The following STXBP5L variants were observed in gnomAD, a reference collection of about 807,000 sequenced individuals.
STXBP5L encodes the protein syntaxin binding protein 5L.
A neutral mutation model predicts 144.5 loss-of-function variants in STXBP5L; 65 were observed. That is an observed-to-expected ratio of 0.45 (90% CI 0.37 to 0.55). STXBP5L has a LOEUF of 0.55. STXBP5L is among the 20% of genes least tolerant of loss of function. The pLI is 0.00. For missense variants in STXBP5L, 1,298 were observed against 1,405.5 expected (o/e 0.92, Z 1.22); for synonymous variants, 505 against 469.6 (o/e 1.08, Z -0.97).
intron 18 of STXBP5L, among the ~76,000 whole-genome samples, chr3:121,267,082 A>C (rs2050589294): frequency 6.6e-6 from 1 of 152,210 alleles, no homozygotes; most frequent in Admixed American, 6.5e-5. Flanking sequence ...TATGGAACCA[A>C]AAGAGAGCCC....
At chr3:121,211,635 G>A (rs551441016) in intron 10 of STXBP5L, among the ~76,000 whole-genome samples, 2 of 133,238 alleles carry the variant, frequency 1.5e-5, no homozygotes, top group Admixed American at 8.7e-5. Flanking sequence ...CTGGAGTGCA[G>A]TGGCGTGATC....
At chr3:121,355,343 C>G (rs1472844472) in intron 20 of STXBP5L, among the ~76,000 whole-genome samples, 1 of 152,208 alleles carries the variant, frequency 6.6e-6, no homozygotes, top group African/African-American at 2.4e-5. Context: ...TAGATTTAGT[C>G]TTTTCATATA....
intron 20 of STXBP5L, among the ~76,000 whole-genome samples, chr3:121,321,495 A>T (rs182657414): frequency 6.6e-6 from 1 of 152,304 alleles, no homozygotes; most frequent in Non-Finnish European, 1.5e-5. Flanking sequence ...CAATAGCCAC[A>T]CATACACCTA....
chr3:121,422,974 A>G lies in STXBP5L; in HGVS notation c.*3877A>G, dbSNP rs1393321865. On this transcript the variant is annotated 3_prime_UTR_variant, in exon 27 of 27. Coordinates refer to ENST00000471454, the MANE Select transcript of STXBP5L (RefSeq NM_001308330.2). ...GAAGAAGATTAAAATAGATTCTTAT[A>G]TTCAAGCAGAAGGGAAAAATGAAGC... 6.6e-6 allele frequency: 1 copy of G among 152,100 alleles called. No individual in the cohort carries two copies. Among genetic ancestry groups the G allele is most frequent in the Admixed American group, 6.6e-5 (1 of 15,260 alleles). The allele number at this position is 152,100 out of a possible 1,614,324, so 9.4% of individuals were successfully genotyped here.
chr3:121,164,643 T>G (rs9834448), intron 9 of STXBP5L, among the ~76,000 whole-genome samples: 15,102 of 152,196 alleles, frequency 0.099, 1,183 homozygotes, highest in Admixed American at 0.2. Flanking sequence ...AGCCTAAGTG[T>G]CTGTTGACTG....
chr3:121,068,014 CA>C (rs2041629401), intron 5 of STXBP5L, among the ~76,000 whole-genome samples: 1 of 152,098 alleles, frequency 6.6e-6, no homozygotes, highest in Non-Finnish European at 1.5e-5. Context: ...CAATATTAGT[CA>C]ATTTTTCTTT....
At chr3:121,115,202 G>T (rs1036716963) in intron 6 of STXBP5L, 143 bp downstream of exon 6, 5 of 777,640 alleles carry the variant, frequency 6.4e-6, no homozygotes, top group African/African-American at 5.6e-5. Context: ...ATAACTTAAA[G>T]CCATAAAAGC....
intron 9 of STXBP5L, among the ~76,000 whole-genome samples, chr3:121,176,773 A>G (rs7643780): frequency 0.21 from 32,338 of 151,798 alleles, 3,673 homozygotes; most frequent in Non-Finnish European, 0.26. Context: ...GCATGAGAAC[A>G]ACCAATAAAA....
intron 3 of STXBP5L, among the ~76,000 whole-genome samples, chr3:121,031,950 G>A (rs1946400150): frequency 6.6e-6 from 1 of 152,106 alleles, no homozygotes. Flanking sequence ...TACAGAAAAA[G>A]CAAAGCAGGA....
chr3:121,389,581 T>A (rs948260154), intron 22 of STXBP5L, among the ~76,000 whole-genome samples: 1 of 152,244 alleles, frequency 6.6e-6, no homozygotes, highest in African/African-American at 2.4e-5. Flanking sequence ...CCTGGTACAT[T>A]GTGTCTTTGT....
At chr3:121,094,371 G>A (rs1451858707) in intron 5 of STXBP5L, among the ~76,000 whole-genome samples, 3 of 152,020 alleles carry the variant, frequency 2.0e-5, no homozygotes, top group Non-Finnish European at 2.9e-5. Flanking sequence ...TGACAGTGGG[G>A]TGTTAAAGTC....
intron 20 of STXBP5L, among the ~76,000 whole-genome samples, chr3:121,347,041 G>T (rs1321654713): frequency 6.6e-6 from 1 of 152,178 alleles, no homozygotes. Context: ...CCTATGTCCT[G>T]AATGGTATTG....
chr3:121,195,814 C>T (rs1428654905), intron 9 of STXBP5L, among the ~76,000 whole-genome samples: 1 of 152,140 alleles, frequency 6.6e-6, no homozygotes. Flanking sequence ...AATGGTGGAA[C>T]CTGCAGGGAA....
intron 5 of STXBP5L, among the ~76,000 whole-genome samples, chr3:121,069,613 G>C (rs1024159391): frequency 6.6e-6 from 1 of 152,040 alleles, no homozygotes; most frequent in Non-Finnish European, 1.5e-5. Context: ...CCAGAAATAT[G>C]TAGGAGATCT....
intron 3 of STXBP5L, among the ~76,000 whole-genome samples, chr3:120,995,453 C>T (rs1159661705): frequency 6.6e-6 from 1 of 152,112 alleles, no homozygotes; most frequent in Non-Finnish European, 1.5e-5. Flanking sequence ...TGGCTGTTTC[C>T]TGTTTTTCTT....
rs187061136 is a variant in STXBP5L at position 121,255,468 on chromosome 3, T to C, written c.1659+356T>C. On this transcript the variant is annotated intron_variant, in intron 16 of 26. Coordinates refer to ENST00000471454, the MANE Select transcript of STXBP5L (RefSeq NM_001308330.2). ...GAAATAAGTCAACTCTACAACATGA[T>C]GTTTTGAACTATGTATATATTGTGG... Among the ~76,000 whole-genome samples, 9 of 152,158 alleles carry C rather than the reference T, an allele frequency of 5.9e-5. No homozygotes were observed. In the East Asian group the frequency reaches 1.7e-3, roughly 29 times the overall value.
intron 9 of STXBP5L, among the ~76,000 whole-genome samples, chr3:121,186,093 CTGTT>C (rs1429995093): frequency 3.9e-5 from 6 of 152,062 alleles, no homozygotes; most frequent in African/African-American, 1.4e-4. Flanking sequence ...ATTTGGCTCT[CTGTT>C]TGTCTGTTAT....
intron 10 of STXBP5L, among the ~76,000 whole-genome samples, chr3:121,214,718 G>A (rs541561306): frequency 9.2e-5 from 14 of 152,216 alleles, no homozygotes; most frequent in Non-Finnish European, 1.8e-4. Context: ...TGTCTATTAG[G>A]TCCACTTGGT....
chr3:121,118,891 G>C (rs1402523084), intron 6 of STXBP5L, among the ~76,000 whole-genome samples: 1 of 151,502 alleles, frequency 6.6e-6, no homozygotes, highest in African/African-American at 2.4e-5. Context: ...TTCAATTTTA[G>C]CTCCATTGAA....
Sources: allele counts gnomAD v4.1 joint callset (sites outside exome capture counted in the v4.1 genomes callset), GRCh38; gene constraint gnomAD v4.1.1; transcripts MANE v1.5; gene names NCBI Gene and HGNC (gene_info 2026-07-23, HGNC 2026-07-21).